Variants in HAVCR2 observed in about 807,000 individuals in gnomAD.
The protein encoded by HAVCR2 is hepatitis A virus cellular receptor 2, also known as T cell immunoglobulin mucin 3.
A neutral mutation model predicts 24.7 loss-of-function variants in HAVCR2; 13 were observed. The observed-to-expected ratio is 0.53, with a 90% CI of 0.34 to 0.84. HAVCR2 has a LOEUF of 0.84. Among genes scored for constraint, HAVCR2 ranks in the 40% least tolerant of loss-of-function variants. HAVCR2 has a pLI of 0.01. For missense variants in HAVCR2, 343 were observed against 371.2 expected (o/e 0.92, Z 0.62); for synonymous variants, 154 against 143.4 (o/e 1.07, Z -0.53).
At chr5:157,104,063 C>A (rs1362842600) in intron 3 of HAVCR2, among the ~76,000 whole-genome samples, 1 of 152,202 alleles carries the variant, frequency 6.6e-6, no homozygotes, top group Non-Finnish European at 1.5e-5. Flanking sequence ...AAATGGAGCT[C>A]CAGAGAGTTT....
chr5:157,093,093 A>ATG (rs1222349078), intron 5 of HAVCR2, among the ~76,000 whole-genome samples: 1 of 125,664 alleles, frequency 8.0e-6, no homozygotes, highest in Non-Finnish European at 1.6e-5. Flanking sequence ...ATATATATAT[A>ATG]TGTGTATACA....
chr5:157,088,969 G>A lies in HAVCR2; in HGVS notation c.685C>T (p.His229Tyr), dbSNP rs764681905. The change falls in exon 6 of 7, where the codon CAT (histidine) becomes TAT (tyrosine). Residue 229 changes from histidine (H) to tyrosine (Y), a missense_variant. Transcript: ENST00000307851. ...FGALIFKWYSHSKEKIQNLSL... is the reference protein window; with the variant it reads ...FGALIFKWYSYSKEKIQNLSL... Reference sequence around the variant, plus strand: ...AAATTCTGTATCTTCTCTTTGCTATGAGAATACCCTAGTAAGGGGGAAACA... The same window carrying A: ...AAATTCTGTATCTTCTCTTTGCTATAAGAATACCCTAGTAAGGGGGAAACA... 3 of 1,607,404 alleles carry A rather than the reference G, an allele frequency of 1.9e-6. No homozygotes were observed. The highest frequency in any genetic ancestry group is 2.2e-5 in the South Asian group (2 of 89,636).
intron 4 of HAVCR2, among the ~76,000 whole-genome samples, chr5:157,096,646 G>A (rs913137225): frequency 7.2e-5 from 11 of 151,874 alleles, no homozygotes; most frequent in African/African-American, 2.4e-4. Flanking sequence ...GTGTGGTGGC[G>A]GGCACCTATA....
intron 1 of HAVCR2, among the ~76,000 whole-genome samples, 160 bp downstream of exon 1, chr5:157,108,766 T>C (rs1157312954): frequency 2.6e-5 from 4 of 152,222 alleles, no homozygotes; most frequent in Non-Finnish European, 4.4e-5. Flanking sequence ...TGTATCATGA[T>C]TATATCACAT....
chr5:157,096,927 A>AACACAC (rs34799337), intron 4 of HAVCR2, among the ~76,000 whole-genome samples: 91 of 142,956 alleles, frequency 6.4e-4, no homozygotes, highest in South Asian at 1.8e-3. Flanking sequence ...ATTTATACAA[A>AACACAC]ACACACACAC....
chr5:157,093,160 T>C (rs371407065), intron 5 of HAVCR2, among the ~76,000 whole-genome samples: 5 of 151,230 alleles, frequency 3.3e-5, no homozygotes, highest in East Asian at 3.9e-4. Flanking sequence ...TGGCTATCTC[T>C]GAATAAACCC....
rs1234408162 is a variant in HAVCR2 at position 157,104,673 on chromosome 5, A to G, written c.471T>C (p.His157=). Residue 157 remains histidine (H), a synonymous_variant, in exon 3 of 7, where the codon CAT becomes CAC. Transcript: ENST00000307851. The part of the protein sequence containing the change: ...AFPRMLTTRG[H]GPAETQTLGS... ...TGCCCCATGCATAGTTACCTGGGCC[A>G]TGTCCCCTGGTGGTAAGCATCCTTG... 1.9e-6 allele frequency: 3 copies of G among 1,600,598 alleles called. No homozygotes were observed. Among genetic ancestry groups the G allele is most frequent in the Non-Finnish European group, 2.6e-6 (3 of 1,172,106 alleles).
chr5:157,095,462 A>G lies in HAVCR2; in HGVS notation c.523-3T>C. 1 of 1,613,830 alleles carries G rather than the reference A, an allele frequency of 6.2e-7. No individual in the cohort carries two copies. Among genetic ancestry groups the G allele is most frequent in the Non-Finnish European group, 8.5e-7 (1 of 1,179,938 alleles). On this transcript the variant is annotated splice_polypyrimidine_tract_variant and splice_region_variant and intron_variant, in intron 4 of 6. Coordinates refer to ENST00000307851, the MANE Select transcript of HAVCR2 (RefSeq NM_032782.5). ...TCATTGGCCAATGTGGATATTTGCT[A>G]TGGAAACACAAACAGGATTTAAGCA... is the stretch of plus-strand genomic sequence containing the variant.
chr5:157,102,490 T>C (rs929190139), intron 3 of HAVCR2, among the ~76,000 whole-genome samples: 2 of 152,218 alleles, frequency 1.3e-5, no homozygotes, highest in South Asian at 4.1e-4. Flanking sequence ...TTTCAATTTT[T>C]TATTTTATTT....
rs182081536 is a variant in HAVCR2 at position 157,098,871 on chromosome 5, T to A, written c.509A>T (p.Asp170Val). 318 of 1,613,122 alleles carry A rather than the reference T, an allele frequency of 2.0e-4. 3 individuals are homozygous for A. The highest frequency in any genetic ancestry group is 1.3e-3 in the Middle Eastern group (8 of 6,058). The change falls in exon 4 of 7, where the codon GAT becomes GTT. Residue 170 changes from aspartate to valine, a missense_variant. Asp to Val is a radical substitution (Grantham distance 152, BLOSUM62 -3). Transcript: ENST00000307851. ...AETQTLGSLPDINLTQISTLA... is the reference protein window; with the variant it reads ...AETQTLGSLPVINLTQISTLA... ...AAAGTTACTTACTGTTAGATTTATATCAGGGAGGCTCCCCAGTGTCTGTGT... is the reference window on the plus strand; with the variant it reads ...AAAGTTACTTACTGTTAGATTTATAACAGGGAGGCTCCCCAGTGTCTGTGT...
At chr5:157,106,341 A>C (rs985815882) in intron 2 of HAVCR2, 4 of 363,438 alleles carry the variant, frequency 1.1e-5, no homozygotes, top group African/African-American at 8.3e-5. Flanking sequence ...TATGTTGGCC[A>C]GGCTGGTCTC....
chr5:157,108,936 T>C lies in HAVCR2; in HGVS notation c.48A>G (p.Leu16=), dbSNP rs370377927. The C allele has an allele frequency of 3.2e-5, 51 of 1,612,592 alleles. No individual in the cohort carries two copies. The highest frequency in any genetic ancestry group is 2.8e-4 in the African/African-American group (21 of 75,044). ...CATGCCGAGACTTACTTGTAAGTAG[T>C]AGCAGCAGCAGCAGCAGGACACAGT... is the stretch of plus-strand genomic sequence containing the variant. The part of the protein sequence containing the change: ...PFDCVLLLLL[L]LLTRSSEVEY... Residue 16 remains leucine (L), a synonymous_variant, in exon 1 of 7, where the codon CTA becomes CTG. Transcript: ENST00000307851.
intron 5 of HAVCR2, among the ~76,000 whole-genome samples, chr5:157,095,013 A>C (rs1757073572): frequency 6.6e-6 from 1 of 152,348 alleles, no homozygotes; most frequent in African/African-American, 2.4e-5. Context: ...TCGGGAAGGC[A>C]GCTTACTCTA....
intron 3 of HAVCR2, among the ~76,000 whole-genome samples, chr5:157,101,923 A>G (rs1372181744): frequency 6.8e-6 from 1 of 146,652 alleles, no homozygotes; most frequent in Non-Finnish European, 1.5e-5. Context: ...CTACAGGCAC[A>G]TGCCACCATG....
intron 3 of HAVCR2, among the ~76,000 whole-genome samples, chr5:157,104,401 T>C (rs1757217233): frequency 6.6e-6 from 1 of 152,250 alleles, no homozygotes; most frequent in South Asian, 2.1e-4. Flanking sequence ...TTCAATTTAG[T>C]TAATATTTAA....
chr5:157,099,206 C>T (rs1302825893), intron 3 of HAVCR2, among the ~76,000 whole-genome samples: 1 of 152,072 alleles, frequency 6.6e-6, no homozygotes, highest in African/African-American at 2.4e-5. Flanking sequence ...TCACAGGACC[C>T]TAATGAGTTC....
intron 3 of HAVCR2, among the ~76,000 whole-genome samples, chr5:157,101,230 CTT>C (rs1426159202): frequency 6.6e-6 from 1 of 152,124 alleles, no homozygotes; most frequent in East Asian, 1.9e-4. Flanking sequence ...GTAAAACTAA[CTT>C]TTTAAAAACT....
intron 5 of HAVCR2, 34 bp from the exon 6 acceptor site, chr5:157,089,011 C>G: frequency 6.4e-7 from 1 of 1,574,454 alleles, no homozygotes. Flanking sequence ...AATAAAAATG[C>G]ATTCATAAAA....
chr5:157,096,043 T>C (rs948575655), intron 4 of HAVCR2, among the ~76,000 whole-genome samples: 6 of 151,836 alleles, frequency 4.0e-5, no homozygotes, highest in Non-Finnish European at 4.4e-5. Flanking sequence ...CTGGACAACA[T>C]GGTGAAACCC....
Sources: gnomAD v4.1 joint callset for allele counts (sites outside exome capture counted in the v4.1 genomes callset) on GRCh38, gnomAD v4.1.1 for gene constraint, MANE v1.5 for transcripts, NCBI Gene and HGNC (gene_info 2026-07-23, HGNC 2026-07-21) for gene names.